The following PPME1 variants were observed in gnomAD, a reference collection of about 807,000 sequenced individuals.
PPME1 encodes protein phosphatase methylesterase 1.
A neutral mutation model predicts 56.9 loss-of-function variants in PPME1; 17 were observed. The observed-to-expected ratio is 0.30, with a 90% CI of 0.20 to 0.45. PPME1 has a LOEUF of 0.45. Ranked by LOEUF, PPME1 falls within the 20% of genes least tolerant of loss-of-function variation. PPME1 has a pLI of 1.00. For missense variants in PPME1, 357 were observed against 483.2 expected (o/e 0.74, Z 2.45); for synonymous variants, 122 against 156.2 (o/e 0.78, Z 1.63).
chr11:74,181,189 C>T (rs1182258954), intron 1 of PPME1, among the ~76,000 whole-genome samples: 5 of 151,738 alleles, frequency 3.3e-5, no homozygotes, highest in East Asian at 1.9e-4. Context: ...GGACTACAGG[C>T]GCCTGCCACC....
chr11:74,251,599 G>T, intron 12 of PPME1, 49 bp from the exon 13 acceptor site: 2 of 1,600,028 alleles, frequency 1.2e-6, no homozygotes, highest in South Asian at 1.1e-5. Flanking sequence ...CCAAGGCTAA[G>T]CCCCATCACT....
At position 74,230,797 on chromosome 11, in the gene PPME1, G is replaced by A. The variant is rs1859046129; in HGVS notation, c.554-115G>A. On this transcript the variant is annotated intron_variant, in intron 6 of 13. Coordinates refer to ENST00000328257, the MANE Select transcript of PPME1 (RefSeq NM_016147.3). The surrounding 1 kb of genome is among the most constrained non-coding windows in gnomAD (Gnocchi z 4.9). ...TATTGAGGGCCATCTTTATTTCTCT[G>A]CGAGCATCACTAAATTCTGCTGTCA... 1.2e-6 allele frequency: 1 copy of A among 828,134 alleles called. No individual in the cohort carries two copies. The highest frequency in any genetic ancestry group is 1.7e-5 in the South Asian group (1 of 59,548). The allele number at this position is 828,134 out of a possible 1,614,324, so 51.3% of individuals were successfully genotyped here.
intron 5 of PPME1, among the ~76,000 whole-genome samples, chr11:74,228,270 T>G (rs1206315667): frequency 1.3e-5 from 2 of 152,286 alleles, no homozygotes; most frequent in African/African-American, 4.8e-5. Flanking sequence ...ATACTACCTG[T>G]TTTATTTTTT....
At chr11:74,217,112 C>T (rs1858667307) in intron 3 of PPME1, among the ~76,000 whole-genome samples, 1 of 152,108 alleles carries the variant, frequency 6.6e-6, no homozygotes, top group Non-Finnish European at 1.5e-5. Flanking sequence ...TTTCAGACTC[C>T]TTCTACGAGG....
intron 1 of PPME1, among the ~76,000 whole-genome samples, chr11:74,203,204 A>G (rs542065515): frequency 6.6e-6 from 1 of 152,276 alleles, no homozygotes; most frequent in South Asian, 2.1e-4. Flanking sequence ...AGGTATTGAT[A>G]TTGCCAGTTT....
chr11:74,224,236 C>G (rs1565389632), intron 4 of PPME1, among the ~76,000 whole-genome samples: 3 of 148,878 alleles, frequency 2.0e-5, no homozygotes, highest in East Asian at 3.9e-4. Flanking sequence ...TCAGGTTTGT[C>G]AAAGATCAGA....
chr11:74,231,832 A>G (rs902177904), intron 7 of PPME1, among the ~76,000 whole-genome samples: 5 of 152,356 alleles, frequency 3.3e-5, no homozygotes, highest in Admixed American at 1.3e-4. Flanking sequence ...AATAAACTCA[A>G]TGGGTAAATA....
chr11:74,236,096 A>T (rs2135667446), intron 8 of PPME1, 130 bp downstream of exon 8: 1 of 1,408,324 alleles, frequency 7.1e-7, no homozygotes, highest in East Asian at 2.6e-5. Context: ...AATAATTTTA[A>T]AGGTGAGTTC....
chr11:74,188,801 T>G (rs1201631436), intron 1 of PPME1, among the ~76,000 whole-genome samples: 1 of 152,214 alleles, frequency 6.6e-6, no homozygotes, highest in Non-Finnish European at 1.5e-5. Context: ...CCACTAAAGA[T>G]GTGCAGTCAA....
chr11:74,200,104 A>C (rs929088903), intron 1 of PPME1, among the ~76,000 whole-genome samples: 2 of 152,240 alleles, frequency 1.3e-5, no homozygotes, highest in African/African-American at 2.4e-5. Flanking sequence ...GAGGGGGGGA[A>C]GTTAGTAATT....
chr11:74,201,723 T>C (rs1858173621), intron 1 of PPME1, among the ~76,000 whole-genome samples: 1 of 152,246 alleles, frequency 6.6e-6, no homozygotes, highest in Non-Finnish European at 1.5e-5. Flanking sequence ...TTTGGCACAG[T>C]GACTCGTTTG....
At chr11:74,215,403 T>G (rs1218358915) in intron 3 of PPME1, among the ~76,000 whole-genome samples, 2 of 151,386 alleles carry the variant, frequency 1.3e-5, no homozygotes, top group Non-Finnish European at 2.9e-5. Flanking sequence ...AAATGTAGAG[T>G]TTTTATTGGT....
intron 4 of PPME1, chr11:74,222,619 G>T: frequency 2.4e-6 from 1 of 424,680 alleles, no homozygotes; most frequent in Non-Finnish European, 4.4e-6. Context: ...CTCCCCAGTA[G>T]CTGGGATTAC....
chr11:74,180,383 C>T (rs148497605), intron 1 of PPME1, among the ~76,000 whole-genome samples: 248 of 152,222 alleles, frequency 1.6e-3, no homozygotes, highest in African/African-American at 5.5e-3. Flanking sequence ...GCTAACTGAA[C>T]GAGAAACCCA....
intron 3 of PPME1, among the ~76,000 whole-genome samples, chr11:74,218,243 A>T (rs1234103800): frequency 6.6e-6 from 1 of 152,178 alleles, no homozygotes; most frequent in East Asian, 1.9e-4. Flanking sequence ...ACACTGATGA[A>T]AGAAATTGAA....
intron 9 of PPME1, among the ~76,000 whole-genome samples, chr11:74,241,334 G>A (rs965352569): frequency 6.6e-6 from 1 of 152,126 alleles, no homozygotes; most frequent in Admixed American, 6.5e-5. Flanking sequence ...TTCTCTATAT[G>A]GTTGAATAAT....
In PPME1 at chr11:74,175,247, A is replaced by T. The variant is rs370284213; in HGVS notation, c.101+3725A>T. Among the ~76,000 whole-genome samples, 206 of 152,312 alleles carry T rather than the reference A, an allele frequency of 1.4e-3. 1 individual carries two copies. Among genetic ancestry groups the T allele is most frequent in the Middle Eastern group, 3.4e-3 (1 of 294 alleles). On this transcript the variant is annotated intron_variant, in intron 1 of 13. Transcript: ENST00000328257. ...GCCAGGTGTGGTGGCTCATGCCTGT[A>T]ATCTCAGCACTTTGGGAGGCCGAGG...
chr11:74,252,056 T>G (rs1859688386), intron 13 of PPME1, among the ~76,000 whole-genome samples: 1 of 151,628 alleles, frequency 6.6e-6, no homozygotes, highest in African/African-American at 2.4e-5. Flanking sequence ...TTCTTTGGCT[T>G]CTCCTGCCCT....
chr11:74,195,851 G>A (rs114315859), intron 1 of PPME1, among the ~76,000 whole-genome samples: 1,818 of 152,272 alleles, frequency 0.012, 35 homozygotes, highest in African/African-American at 0.042. Flanking sequence ...TTAGGGAAAA[G>A]CATATTAATG....
Sources: allele counts gnomAD v4.1 joint callset (sites outside exome capture counted in the v4.1 genomes callset), GRCh38; gene constraint gnomAD v4.1.1; non-coding constraint Gnocchi (gnomAD v3.1); transcripts MANE v1.5; gene names NCBI Gene and HGNC (gene_info 2026-07-23, HGNC 2026-07-21).